LRRC66: variants seen among roughly 807,000 people sequenced by gnomAD.
LRRC66 encodes the protein leucine rich repeat containing 66.
Under a neutral mutation model 24.6 loss-of-function variants are expected in LRRC66, and 29 were observed. The observed-to-expected ratio is 1.18, with a 90% CI of 0.88 to 1.61. The LOEUF is 1.61. Ranked by LOEUF, LRRC66 falls within the 40% of genes most tolerant of loss-of-function variation. The pLI, the probability that LRRC66 is intolerant of heterozygous loss-of-function variation, is 0.00. For synonymous variants in LRRC66, 411 were observed against 397.6 expected (o/e 1.03, Z -0.40); for missense variants, 1,124 against 1,058.0 (o/e 1.06, Z -0.87).
intron 2 of LRRC66, among the ~76,000 whole-genome samples, chr4:52,008,931 T>C (rs547084676): frequency 2.6e-5 from 4 of 152,198 alleles, no homozygotes; most frequent in African/African-American, 9.6e-5. Context: ...TTGTGGAAAT[T>C]ATATATAGGG....
At chr4:51,996,414 C>CT (rs912139367) in intron 4 of LRRC66, among the ~76,000 whole-genome samples, 34 of 151,006 alleles carry the variant, frequency 2.3e-4, no homozygotes, top group Non-Finnish European at 3.0e-4. Flanking sequence ...GCCTGGGCTG[C>CT]TTTTTTTTTA....
At position 51,995,476 on chromosome 4, in the gene LRRC66, C is replaced by A. The variant is rs775742576; in HGVS notation, c.1546G>T (p.Gly516Cys). 2 of 1,614,098 alleles carry A rather than the reference C, an allele frequency of 1.2e-6. No homozygotes were observed. Among genetic ancestry groups the A allele is most frequent in the Non-Finnish European group, 1.7e-6 (2 of 1,180,026 alleles). The change falls in exon 5 of 5, where the codon GGT becomes TGT. Residue 516 changes from glycine to cysteine, a missense_variant. Physicochemically the swap from Gly to Cys is radical, Grantham distance 159. Coordinates refer to ENST00000682860, the MANE Select transcript of LRRC66 (RefSeq NM_001024611.3). Reference protein sequence around the residue: ...YSILQRHPHAGNRELMSAAQD... With the variant: ...YSILQRHPHACNRELMSAAQD... ...GCTGCTGACATTAGTTCACGGTTAC[C>A]GGCATGTGGATGTCTCTGGAGAATG...
At chr4:51,997,609 A>T (rs1029652014) in intron 4 of LRRC66, 139 bp downstream of exon 4, 11 of 700,070 alleles carry the variant, frequency 1.6e-5, no homozygotes, top group Admixed American at 2.5e-5. Flanking sequence ...TTTTTCTATG[A>T]CACAGCCCAA....
chr4:51,994,355 G>A lies in LRRC66; in HGVS notation c.*24C>T, dbSNP rs763187749. 2.5e-6 allele frequency: 4 copies of A among 1,577,650 alleles called. No homozygotes were observed. Among genetic ancestry groups the A allele is most frequent in the Non-Finnish European group, 3.5e-6 (4 of 1,158,714 alleles). On this transcript the variant is annotated 3_prime_UTR_variant, in exon 5 of 5. Coordinates refer to ENST00000682860, the MANE Select transcript of LRRC66 (RefSeq NM_001024611.3). ...TTAAAAGAATATTGTTTAGAGCTGT[G>A]AATATTTCCTTAATGAAAGATTCTT...
chr4:51,995,895 G>C lies in LRRC66; in HGVS notation c.1127C>G (p.Ala376Gly), dbSNP rs553611640. 16 of 1,614,196 alleles carry C rather than the reference G, an allele frequency of 9.9e-6. No individual in the cohort carries two copies. The African/African-American group carries it at 2.1e-4, about 22-fold the overall frequency. Residue 376 changes from alanine to glycine, a missense_variant, in exon 5 of 5, where the codon GCT (alanine) becomes GGT (glycine). Coordinates refer to ENST00000682860, the MANE Select transcript of LRRC66 (RefSeq NM_001024611.3). ...GKKEDAPQDL[A>G]LAVCLSVFIT... ...GAACACTGACAGGCACACCGCCAGAGCCAGGTCCTGGGGAGCGTCCTCTTT... is the reference window on the plus strand; with the variant it reads ...GAACACTGACAGGCACACCGCCAGACCCAGGTCCTGGGGAGCGTCCTCTTT...
At chr4:52,002,787 G>A (rs1435945732) in intron 3 of LRRC66, among the ~76,000 whole-genome samples, 1 of 152,184 alleles carries the variant, frequency 6.6e-6, no homozygotes, top group African/African-American at 2.4e-5. Flanking sequence ...TCTAGTCCAC[G>A]GTTGTTGACA....
intron 2 of LRRC66, among the ~76,000 whole-genome samples, chr4:52,014,927 A>G (rs1322344718): frequency 6.6e-6 from 1 of 152,068 alleles, no homozygotes; most frequent in African/African-American, 2.4e-5. Flanking sequence ...CTCCTCTTCA[A>G]GTTGAACATT....
chr4:52,019,924 A>G (rs993782974), intron 1 of LRRC66, among the ~76,000 whole-genome samples: 1 of 152,184 alleles, frequency 6.6e-6, no homozygotes, highest in Non-Finnish European at 1.5e-5. Flanking sequence ...AAGGAATCTT[A>G]TATCTTAAAG....
In LRRC66 at chr4:51,995,244, G is replaced by A; in HGVS notation, c.1778C>T (p.Thr593Ile). 6.2e-7 allele frequency: 1 copy of A among 1,614,184 alleles called. No individual in the cohort carries two copies. Among genetic ancestry groups the A allele is most frequent in the Non-Finnish European group, 8.5e-7 (1 of 1,180,042 alleles). ...TCCAGTCCTCTGTGCTTCTGCATGT[G>A]TTAGCATTTTACAGAGGGAAGCTGT... ...EITASLCKML[T>I]HAEAQRTGDS... Residue 593 changes from threonine (T) to isoleucine (I), a missense_variant, in exon 5 of 5, where the codon ACA becomes ATA. Thr to Ile is a moderately conservative substitution (Grantham distance 89). Coordinates refer to ENST00000682860, the MANE Select transcript of LRRC66 (RefSeq NM_001024611.3).
intron 3 of LRRC66, among the ~76,000 whole-genome samples, chr4:52,001,556 A>G (rs1419190786): frequency 2.6e-5 from 4 of 152,240 alleles, no homozygotes; most frequent in African/African-American, 9.6e-5. Flanking sequence ...GCATTTATAA[A>G]GTACTTACTG....
At chr4:52,004,962 A>G (rs1316897764) in intron 2 of LRRC66, among the ~76,000 whole-genome samples, 1 of 152,260 alleles carries the variant, frequency 6.6e-6, no homozygotes, top group African/African-American at 2.4e-5. Flanking sequence ...TAAAGTTACT[A>G]GTTATACAGA....
chr4:52,008,351 A>G (rs1412561018), intron 2 of LRRC66, among the ~76,000 whole-genome samples: 2 of 150,392 alleles, frequency 1.3e-5, no homozygotes, highest in African/African-American at 5.0e-5. Context: ...CAGTTGGATT[A>G]TAAGTATAAT....
At chr4:52,005,757 C>T (rs1736567616) in intron 2 of LRRC66, among the ~76,000 whole-genome samples, 1 of 152,144 alleles carries the variant, frequency 6.6e-6, no homozygotes, top group Admixed American at 6.5e-5. Context: ...GTGCACAGCC[C>T]TGCTGCCCTG....
chr4:52,014,148 A>G (rs1736759759), intron 2 of LRRC66, among the ~76,000 whole-genome samples: 1 of 152,212 alleles, frequency 6.6e-6, no homozygotes, highest in South Asian at 2.1e-4. Context: ...GCTACCTGGG[A>G]GGCTGAGGCA....
rs375534936 is a variant in LRRC66, at chr4:51,994,647, T to C, written c.2375A>G (p.Asn792Ser). Residue 792 changes from asparagine (N) to serine (S), a missense_variant, in exon 5 of 5, where the codon AAT (asparagine) becomes AGT (serine). Physicochemically the swap from Asn to Ser is conservative, Grantham distance 46. Coordinates refer to ENST00000682860, the MANE Select transcript of LRRC66 (RefSeq NM_001024611.3). ...CTCAGATCTATCAGTGTCAGAGGCATTTTCCAGATGAGTCTTGTACATGCC... is the reference window on the plus strand; with the variant it reads ...CTCAGATCTATCAGTGTCAGAGGCACTTTCCAGATGAGTCTTGTACATGCC... Reference protein sequence around the residue: ...DSGMYKTHLENASDTDRSEGL... With the variant: ...DSGMYKTHLESASDTDRSEGL... 56 of 1,614,050 alleles carry C rather than the reference T, an allele frequency of 3.5e-5. 1 individual carries two copies. In the Admixed American group the frequency reaches 8.8e-4, roughly 25 times the overall value.
rs186760986 is a variant in LRRC66 at position 51,996,139 on chromosome 4, G to T, written c.883C>A (p.Pro295Thr). Residue 295 changes from proline (P) to threonine (T), a missense_variant, in exon 5 of 5, where the codon CCC (proline) becomes ACC (threonine). Physicochemically the swap from Pro to Thr is conservative, Grantham distance 38. Transcript: ENST00000682860. The stretch of plus-strand genomic sequence containing the variant: ...GTTTCCCTGGAAATCCTGCTCTGGG[G>T]AGTGCCCCCGTTGGCCTCCTCACTC... ...IGSEEANGGTPQSRISRETRL... is the reference protein window; with the variant it reads ...IGSEEANGGTTQSRISRETRL... 3.7e-3 allele frequency: 5,888 copies of T among 1,612,606 alleles called. 22 individuals are homozygous for T. Among genetic ancestry groups the T allele is most frequent in the Non-Finnish European group, 3.9e-3 (4,646 of 1,179,080 alleles).
intron 4 of LRRC66, 93 bp from the exon 5 acceptor site, chr4:51,996,258 A>T (rs909810926): frequency 9.5e-6 from 12 of 1,268,916 alleles, no homozygotes; most frequent in South Asian, 1.6e-5. Flanking sequence ...AAAAAATTCA[A>T]TTTTTTTGAA....
At chr4:52,014,205 T>A (rs1736760964) in intron 2 of LRRC66, among the ~76,000 whole-genome samples, 1 of 152,210 alleles carries the variant, frequency 6.6e-6, no homozygotes, top group African/African-American at 2.4e-5. Context: ...GGAGCCGAGA[T>A]CGTGCCATTT....
intron 2 of LRRC66, among the ~76,000 whole-genome samples, chr4:52,016,282 CTAAA>C (rs1448457276): frequency 1.3e-5 from 2 of 152,060 alleles, no homozygotes; most frequent in African/African-American, 4.8e-5. Flanking sequence ...ATAAGAAAAA[CTAAA>C]TATGCACAAT....
Sources: gnomAD v4.1 joint callset for allele counts (sites outside exome capture counted in the v4.1 genomes callset) on GRCh38, gnomAD v4.1.1 for gene constraint, MANE v1.5 for transcripts, NCBI Gene and HGNC (gene_info 2026-07-23, HGNC 2026-07-21) for gene names.